MAGI2: variants seen among roughly 807,000 people sequenced by gnomAD.
The protein encoded by MAGI2 is membrane-associated guanylate kinase, WW and PDZ domain-containing protein 2.
In MAGI2, 35 loss-of-function variants were observed where a neutral mutation model predicts 133.3. That is an observed-to-expected ratio of 0.26 (90% CI 0.20 to 0.35). MAGI2 has a LOEUF of 0.35. Ranked by LOEUF, MAGI2 falls within the 10% of genes least tolerant of loss-of-function variation. The pLI, the probability that MAGI2 is intolerant of heterozygous loss-of-function variation, is 1.00. For missense variants in MAGI2, 1,636 were observed against 1,863.4 expected (o/e 0.88, Z 2.25); for synonymous variants, 729 against 710.6 (o/e 1.03, Z -0.41).
At chr7:79,406,722 C>T (rs1202035809) in intron 1 of MAGI2, among the ~76,000 whole-genome samples, 1 of 152,048 alleles carries the variant, frequency 6.6e-6, no homozygotes, top group East Asian at 1.9e-4. Context: ...CCTTGTTCAA[C>T]AAATATTTAT....
At chr7:78,940,522 C>A (rs555777362) in intron 2 of MAGI2, 1 of 152,250 alleles carries the variant, frequency 6.6e-6, no homozygotes, top group African/African-American at 2.4e-5. Flanking sequence ...GTAAACCTAG[C>A]AGCTCCTTCT....
rs1187241529 is a variant in MAGI2, at chr7:78,659,327, T to G, written c.419-32088A>C. On this transcript the variant is annotated intron_variant, in intron 2 of 21. Coordinates refer to ENST00000354212, the MANE Select transcript of MAGI2 (RefSeq NM_012301.4). The stretch of plus-strand genomic sequence containing the variant: ...TTAGCTGGGTGTGGTGGTGTGCACT[T>G]GTAGTCCCAGCTTCTTGAACCCGGG... 2.0e-5 allele frequency among the ~76,000 whole-genome samples: 3 copies of G among 149,010 alleles called. 1 individual carries two copies. The highest frequency in any genetic ancestry group is 4.2e-4 in the South Asian group (2 of 4,758).
intron 6 of MAGI2, among the ~76,000 whole-genome samples, chr7:78,390,309 A>G (rs1043627573): frequency 1.3e-5 from 2 of 152,214 alleles, no homozygotes; most frequent in African/African-American, 4.8e-5. Context: ...TTCAGATATT[A>G]TTTGGTTTGT....
chr7:78,196,782 A>AT (rs1384691428), intron 11 of MAGI2, among the ~76,000 whole-genome samples: 1 of 152,186 alleles, frequency 6.6e-6, no homozygotes, highest in East Asian at 1.9e-4. Context: ...CTTCGTTTTA[A>AT]TTTGTTTTCT....
At chr7:78,710,221 T>A (rs1485100438) in intron 2 of MAGI2, among the ~76,000 whole-genome samples, 2 of 141,736 alleles carry the variant, frequency 1.4e-5, no homozygotes, top group South Asian at 2.2e-4. Flanking sequence ...AAGCTGAAAT[T>A]CAGATAAGTT....
chr7:79,209,175 T>C (rs1829299849), intron 1 of MAGI2, among the ~76,000 whole-genome samples: 1 of 151,920 alleles, frequency 6.6e-6, no homozygotes, highest in South Asian at 2.1e-4. Flanking sequence ...ATATAAAGTG[T>C]TCTCACTATA....
intron 1 of MAGI2, among the ~76,000 whole-genome samples, chr7:79,259,535 C>T (rs1011847752): frequency 2.6e-5 from 4 of 152,132 alleles, no homozygotes; most frequent in Non-Finnish European, 5.9e-5. Context: ...TAAAACAAAA[C>T]TTTAGACCCC....
chr7:78,263,069 A>T (rs1260664542), intron 9 of MAGI2, among the ~76,000 whole-genome samples: 1 of 152,148 alleles, frequency 6.6e-6, no homozygotes, highest in African/African-American at 2.4e-5. Context: ...TATAAGTGAG[A>T]ACATGTAATA....
Position 78,183,978 on chromosome 7 carries a change from A to C in MAGI2, c.2311+1651T>G, listed in dbSNP as rs571384804. 3.9e-5 allele frequency among the ~76,000 whole-genome samples: 6 copies of C among 152,392 alleles called. No homozygotes were observed. The East Asian group carries it at 1.2e-3, about 29-fold the overall frequency. ...CTTTTCTTCAAAATGTGAATTGCAC[A>C]GTAACGTAATATACCCCAACTATAT... On this transcript the variant is annotated intron_variant, in intron 13 of 21. Coordinates refer to ENST00000354212, the MANE Select transcript of MAGI2 (RefSeq NM_012301.4).
intron 2 of MAGI2, among the ~76,000 whole-genome samples, chr7:78,928,938 A>G (rs1019744192): frequency 6.6e-6 from 1 of 152,040 alleles, no homozygotes. Flanking sequence ...CTACAATGAA[A>G]TTAACAGATA....
chr7:78,164,122 G>C (rs1017161421), intron 15 of MAGI2, among the ~76,000 whole-genome samples: 1 of 152,110 alleles, frequency 6.6e-6, no homozygotes. Context: ...TATTCACACA[G>C]TGAGGAATTC....
At chr7:78,464,275 C>A (rs575819391) in intron 6 of MAGI2, among the ~76,000 whole-genome samples, 1 of 152,110 alleles carries the variant, frequency 6.6e-6, no homozygotes, top group Non-Finnish European at 1.5e-5. Flanking sequence ...TTCTACTCTG[C>A]GACACTCCAA....
intron 1 of MAGI2, among the ~76,000 whole-genome samples, chr7:79,329,054 T>C (rs1253748134): frequency 6.6e-6 from 1 of 152,228 alleles, no homozygotes; most frequent in Non-Finnish European, 1.5e-5. Flanking sequence ...GTCCTAAAGA[T>C]GATTCTGGTG....
At chr7:79,130,025 G>A (rs943953038) in intron 1 of MAGI2, among the ~76,000 whole-genome samples, 1 of 151,984 alleles carries the variant, frequency 6.6e-6, no homozygotes, top group South Asian at 2.1e-4. Context: ...AATGGGCTAG[G>A]CATGGTGGCT....
At chr7:78,329,064 C>T (rs28709385) in intron 9 of MAGI2, among the ~76,000 whole-genome samples, 2,109 of 152,154 alleles carry the variant, frequency 0.014, 53 homozygotes, top group African/African-American at 0.048. Context: ...ATTTACCTTA[C>T]AGAGTTTGAT....
chr7:78,721,912 A>G (rs1820304738), intron 2 of MAGI2, among the ~76,000 whole-genome samples: 1 of 151,958 alleles, frequency 6.6e-6, no homozygotes, highest in South Asian at 2.1e-4. Context: ...AAGAACTGAC[A>G]TAAACAACTA....
At chr7:79,016,846 G>T (rs534396513) in intron 1 of MAGI2, among the ~76,000 whole-genome samples, 259 of 152,294 alleles carry the variant, frequency 1.7e-3, no homozygotes, top group African/African-American at 5.8e-3. Flanking sequence ...CAACTGATCT[G>T]CCCCCAACCC....
At chr7:78,467,805 G>T (rs1329564619) in intron 6 of MAGI2, among the ~76,000 whole-genome samples, 1 of 151,922 alleles carries the variant, frequency 6.6e-6, no homozygotes, top group Non-Finnish European at 1.5e-5. Context: ...AATAGACAAA[G>T]AAAGTATGTG....
At chr7:78,093,019 C>T (rs1474725458) in intron 20 of MAGI2, among the ~76,000 whole-genome samples, 1 of 151,176 alleles carries the variant, frequency 6.6e-6, no homozygotes, top group African/African-American at 2.4e-5. Context: ...GCCTGTAGTC[C>T]CAGCTACTCA....
Sources: gnomAD v4.1 joint callset for allele counts (sites outside exome capture counted in the v4.1 genomes callset) on GRCh38, gnomAD v4.1.1 for gene constraint, MANE v1.5 for transcripts, NCBI Gene and HGNC (gene_info 2026-07-23, HGNC 2026-07-21) for gene names.